The following PCBP2 variants were observed in gnomAD, a reference collection of about 807,000 sequenced individuals.
PCBP2 encodes poly(rC) binding protein 2.
PCBP2 carries 4 observed loss-of-function variants against 50.1 expected under a neutral mutation model. That is an observed-to-expected ratio of 0.08 (90% CI 0.04 to 0.18). PCBP2 has a LOEUF of 0.18. Among genes scored for constraint, PCBP2 ranks in the 10% least tolerant of loss-of-function variants. The pLI is 1.00. For synonymous variants in PCBP2, 179 were observed against 168.0 expected (o/e 1.07, Z -0.51); for missense variants, 161 against 474.3 (o/e 0.34, Z 6.14).
intron 14 of PCBP2, among the ~76,000 whole-genome samples, chr12:53,472,676 G>A (rs1346602356): frequency 6.6e-6 from 1 of 152,152 alleles, no homozygotes; most frequent in Non-Finnish European, 1.5e-5. Context: ...AGTTTTACAT[G>A]AGTTCCTGAA....
At chr12:53,459,640 A>G (rs1173876494) in intron 6 of PCBP2, among the ~76,000 whole-genome samples, 2 of 152,182 alleles carry the variant, frequency 1.3e-5, no homozygotes, top group Admixed American at 6.5e-5. Context: ...ACTATTACAT[A>G]TGACAAGTTT....
chr12:53,467,218 C>T lies in PCBP2; in HGVS notation c.715-3C>T. On this transcript the variant is annotated splice_region_variant and splice_polypyrimidine_tract_variant and intron_variant, in intron 10 of 14. Coordinates refer to ENST00000546463, the MANE Select transcript of PCBP2 (RefSeq NM_031989.5). ...ATGCCAACCTCCTGTTTCCTCCTTG[C>T]AGTTGACCAAGCTGCACCAGTTGGC... 1.2e-6 allele frequency: 2 copies of T among 1,612,114 alleles called. No individual in the cohort carries two copies. Among genetic ancestry groups the T allele is most frequent in the Non-Finnish European group, 1.7e-6 (2 of 1,178,410 alleles).
chr12:53,471,572 G>C (rs1464971880), intron 13 of PCBP2, 66 bp from the exon 14 acceptor site: 1 of 1,327,182 alleles, frequency 7.5e-7, no homozygotes, highest in Non-Finnish European at 1.0e-6. Context: ...GGGTGGGGGG[G>C]TGGGATTCTT....
At chr12:53,455,429 G>A in intron 3 of PCBP2, 32 bp from the exon 4 acceptor site, 1 of 1,613,996 alleles carries the variant, frequency 6.2e-7, no homozygotes. Context: ...TGAAGTAGCA[G>A]TTGGAGCTCA....
At chr12:53,464,311 A>ACCCT (rs1164067009) in intron 8 of PCBP2, among the ~76,000 whole-genome samples, 18 of 41,162 alleles carry the variant, frequency 4.4e-4, no homozygotes, top group East Asian at 2.9e-3. Context: ...TTCCCTACCC[A>ACCCT]CCCTCCCTCC....
At chr12:53,470,038 G>T (rs370402005) in intron 13 of PCBP2, among the ~76,000 whole-genome samples, 2 of 151,760 alleles carry the variant, frequency 1.3e-5, no homozygotes, top group African/African-American at 4.8e-5. Context: ...GAGCCACTGC[G>T]TCCAGCCTGC....
chr12:53,477,402 A>T (rs899254830), intron 14 of PCBP2, among the ~76,000 whole-genome samples: 1 of 152,068 alleles, frequency 6.6e-6, no homozygotes, highest in African/African-American at 2.4e-5. Flanking sequence ...ACGGTGGCTC[A>T]CGCCTGTAAT....
At chr12:53,462,219 A>G (rs1941499719) in intron 7 of PCBP2, among the ~76,000 whole-genome samples, 1 of 152,234 alleles carries the variant, frequency 6.6e-6, no homozygotes, top group African/African-American at 2.4e-5. Flanking sequence ...CATTAAATTT[A>G]TCTAAAATTT....
At chr12:53,470,696 A>T (rs1035627008) in intron 13 of PCBP2, among the ~76,000 whole-genome samples, 3 of 151,584 alleles carry the variant, frequency 2.0e-5, no homozygotes, top group Non-Finnish European at 2.9e-5. Context: ...TGGTTCATGA[A>T]CATCAGATCT....
rs375190621 is a variant in PCBP2 at position 53,481,069 on chromosome 12, C to G, written c.*1627C>G. 7.9e-6 allele frequency: 3 copies of G among 377,628 alleles called. No individual in the cohort carries two copies. The highest frequency in any genetic ancestry group is 2.2e-5 in the African/African-American group (1 of 45,570). The allele number at this position is 377,628 out of a possible 1,614,324, so 23.4% of individuals were successfully genotyped here. A position where few individuals can be genotyped will look rare whatever the true frequency, so the allele number is the denominator to read the frequency against. Reference sequence around the variant, plus strand: ...ATCAGTCTCCCTCGAGCCTGACTTACGGCTGGGACAGCCCCATCTTTCTGT... The same window carrying G: ...ATCAGTCTCCCTCGAGCCTGACTTAGGGCTGGGACAGCCCCATCTTTCTGT... On this transcript the variant is annotated 3_prime_UTR_variant, in exon 15 of 15. Coordinates refer to ENST00000546463, the MANE Select transcript of PCBP2 (RefSeq NM_031989.5).
intron 14 of PCBP2, among the ~76,000 whole-genome samples, chr12:53,478,072 A>G (rs1297745456): frequency 1.3e-5 from 2 of 152,192 alleles, no homozygotes; most frequent in African/African-American, 2.4e-5. Flanking sequence ...TCAAATGACT[A>G]TCTCTTTGAA....
chr12:53,454,594 G>T (rs1436815460), intron 1 of PCBP2, 132 bp from the exon 2 acceptor site: 2 of 571,974 alleles, frequency 3.5e-6, no homozygotes, highest in Non-Finnish European at 6.3e-6. Context: ...TGTGCTTGGT[G>T]TGTATATAAG....
chr12:53,469,053 C>T (rs1380850165), intron 13 of PCBP2, among the ~76,000 whole-genome samples: 2 of 151,722 alleles, frequency 1.3e-5, no homozygotes, highest in Admixed American at 1.3e-4. Context: ...CAGGCATGTG[C>T]CACCATGCCT....
chr12:53,468,108 T>G, intron 12 of PCBP2: 3 of 426,520 alleles, frequency 7.0e-6, no homozygotes, highest in Non-Finnish European at 1.2e-5. Flanking sequence ...AGTCCAGGTG[T>G]TGTTAAAGAT....
chr12:53,470,593 A>G (rs556370152), intron 13 of PCBP2, among the ~76,000 whole-genome samples: 17 of 151,000 alleles, frequency 1.1e-4, no homozygotes, highest in African/African-American at 3.4e-4. Flanking sequence ...TTTTTTTTGT[A>G]AAGACAAGAG....
intron 5 of PCBP2, among the ~76,000 whole-genome samples, chr12:53,457,253 A>G (rs1203658439): frequency 6.6e-6 from 1 of 152,120 alleles, no homozygotes; most frequent in Non-Finnish European, 1.5e-5. Flanking sequence ...GGAGCTTGTT[A>G]TGTTTCCCAG....
chr12:53,459,747 T>TA (rs952279298), intron 6 of PCBP2: 2 of 303,760 alleles, frequency 6.6e-6, no homozygotes, highest in African/African-American at 4.4e-5. Flanking sequence ...TTCTATTTTT[T>TA]AATTTTTAAC....
intron 7 of PCBP2, among the ~76,000 whole-genome samples, chr12:53,461,688 A>G (rs1592650960): frequency 6.6e-6 from 1 of 152,114 alleles, no homozygotes; most frequent in South Asian, 2.1e-4. Context: ...AGTTGGTTTC[A>G]TTGGTGAGAA....
chr12:53,455,194 A>G, intron 2 of PCBP2, among the ~76,000 whole-genome samples, 153 bp from the exon 3 acceptor site: 1 of 152,260 alleles, frequency 6.6e-6, no homozygotes, highest in Admixed American at 6.5e-5. Flanking sequence ...GGTAATAATT[A>G]GCATAGATAG....
Sources: allele counts gnomAD v4.1 joint callset (sites outside exome capture counted in the v4.1 genomes callset), GRCh38; gene constraint gnomAD v4.1.1; transcripts MANE v1.5; gene names NCBI Gene and HGNC (gene_info 2026-07-23, HGNC 2026-07-21).